NRK: variants seen among roughly 807,000 people sequenced by gnomAD.
The protein encoded by NRK is nik-related protein kinase.
NRK carries 67 observed loss-of-function variants against 125.2 expected under a neutral mutation model. The observed-to-expected ratio is 0.54, with a 90% CI of 0.44 to 0.66. The LOEUF (loss-of-function observed/expected upper bound fraction) is 0.66. NRK is among the 30% of genes least tolerant of loss of function. NRK has a pLI of 0.00. For synonymous variants in NRK, 458 were observed against 429.0 expected (o/e 1.07, Z -0.84); for missense variants, 1,224 against 1,192.9 (o/e 1.03, Z -0.38).
chrX:105,871,618 C>A (rs2039748916), intron 2 of NRK, among the ~76,000 whole-genome samples: 1 of 111,009 alleles, frequency 9.0e-6, no homozygotes, highest in Non-Finnish European at 1.9e-5. Context: ...CTGTGCTAGA[C>A]CCTAAATTTA....
intron 2 of NRK, among the ~76,000 whole-genome samples, chrX:105,853,046 T>C (rs1315617254): frequency 8.9e-6 from 1 of 112,224 alleles, no homozygotes; most frequent in African/African-American, 3.2e-5. Flanking sequence ...TTCAGTGCCA[T>C]GTCCCTGTCG....
At chrX:105,831,764 A>T (rs773054925) in intron 2 of NRK, among the ~76,000 whole-genome samples, 2 of 111,541 alleles carry the variant, frequency 1.8e-5, no homozygotes, top group African/African-American at 3.3e-5. Flanking sequence ...CATACATTAC[A>T]TAAGTAAGCA....
chrX:105,935,469 G>T, intron 21 of NRK, 144 bp downstream of exon 21: 1 of 434,634 alleles, frequency 2.3e-6, no homozygotes, highest in Non-Finnish European at 3.7e-6. Flanking sequence ...AATTGGTTTT[G>T]CTGATTTTTT....
In NRK at chrX:105,953,085, T is replaced by C. The variant is rs1230054332; in HGVS notation, c.4565T>C (p.Val1522Ala). ...GGATGGGGCCAAAAGGCCATTGAAG[T>C]GCGCTCTTTGCAATCCAGGGTTCTG... ...TTGWGQKAIE[V>A]RSLQSRVLES... The change falls in exon 28 of 29, where the codon GTG (valine) becomes GCG (alanine). Residue 1522 changes from valine (V) to alanine (A), a missense_variant. Physicochemically the swap from Val to Ala is moderately conservative, Grantham distance 64. Transcript: ENST00000243300. The C allele has an allele frequency of 3.3e-6, 4 of 1,194,994 alleles. No homozygotes were observed. In the East Asian group the frequency reaches 1.2e-4, roughly 36 times the overall value.
At chrX:105,900,748 G>A (rs1284305603) in intron 9 of NRK, 76 bp downstream of exon 9, 4 of 649,263 alleles carry the variant, frequency 6.2e-6, no homozygotes, top group Non-Finnish European at 9.7e-6. Flanking sequence ...TCTCTCTGTC[G>A]AAGAAGATGA....
chrX:105,937,527 A>C lies in NRK; in HGVS notation c.3744A>C (p.Arg1248Ser). 8.3e-7 allele frequency: 1 copy of C among 1,202,021 alleles called. No individual in the cohort carries two copies. The highest frequency in any genetic ancestry group is 1.1e-6 in the Non-Finnish European group (1 of 888,386). Reference sequence around the variant, plus strand: ...ACATTACTAAACTTATAAGGCGAAGACCATTCCGCCAGATTCAAGTCTTAG... The same window carrying C: ...ACATTACTAAACTTATAAGGCGAAGCCCATTCCGCCAGATTCAAGTCTTAG... Reference protein sequence around the residue: ...KADITKLIRRRPFRQIQVLEP... With the variant: ...KADITKLIRRSPFRQIQVLEP... Residue 1248 changes from arginine (R) to serine (S), a missense_variant, in exon 22 of 29, where the codon AGA becomes AGC. Coordinates refer to ENST00000243300, the MANE Select transcript of NRK (RefSeq NM_198465.4).
intron 26 of NRK, among the ~76,000 whole-genome samples, 173 bp downstream of exon 26, chrX:105,946,637 CT>C (rs1488628028): frequency 8.9e-6 from 1 of 112,048 alleles, no homozygotes; most frequent in Non-Finnish European, 1.9e-5. Flanking sequence ...ACAAAAAACA[CT>C]GATGATTCCT....
At chrX:105,837,369 T>C (rs1356436784) in intron 2 of NRK, among the ~76,000 whole-genome samples, 2 of 111,557 alleles carry the variant, frequency 1.8e-5, no homozygotes, top group Non-Finnish European at 3.8e-5. Context: ...GAGTGACTCA[T>C]AGAGTCCTTT....
At position 105,909,055 on chromosome X, in the gene NRK, C is replaced by T. The variant is rs1602661750; in HGVS notation, c.1414C>T (p.Arg472Trp). ...GCAGATTAAGGCACCTCCACGACTA[C>T]GGAGGGCAGCCAGGGTGCTCATGCC... ...QMQIKAPPRL[R>W]RAARVLMPLQ... Residue 472 changes from arginine (R) to tryptophan (W), a missense_variant, in exon 13 of 29, where the codon CGG (arginine) becomes TGG (tryptophan). Physicochemically the swap from Arg to Trp is moderately radical, Grantham distance 101. Coordinates refer to ENST00000243300, the MANE Select transcript of NRK (RefSeq NM_198465.4). The T allele has an allele frequency of 5.0e-6, 6 of 1,210,666 alleles. No homozygotes were observed. The highest frequency in any genetic ancestry group is 4.5e-6 in the Non-Finnish European group (4 of 894,661).
At chrX:105,919,880 A>G (rs2040415846) in intron 16 of NRK, among the ~76,000 whole-genome samples, 1 of 109,902 alleles carries the variant, frequency 9.1e-6, no homozygotes, top group Admixed American at 9.8e-5. Flanking sequence ...TTTGCTGTGC[A>G]GAAGCTCTTT....
At chrX:105,879,781 A>T (rs2039862496) in intron 2 of NRK, among the ~76,000 whole-genome samples, 1 of 111,170 alleles carries the variant, frequency 9.0e-6, no homozygotes, top group African/African-American at 3.3e-5. Flanking sequence ...TCAATTGAAA[A>T]AATGTTTAGT....
At chrX:105,886,987 A>G (rs941282943) in intron 4 of NRK, among the ~76,000 whole-genome samples, 1 of 111,450 alleles carries the variant, frequency 9.0e-6, no homozygotes, top group South Asian at 3.7e-4. Flanking sequence ...TAAAATGCTT[A>G]GAAGAAAACA....
At position 105,957,485 on chromosome X, in the gene NRK, C is replaced by A. The variant is rs1246104680; in HGVS notation, c.*1885C>A. On this transcript the variant is annotated 3_prime_UTR_variant, in exon 29 of 29. Coordinates refer to ENST00000243300, the MANE Select transcript of NRK (RefSeq NM_198465.4). Reference sequence around the variant, plus strand: ...GTCTTTTAATAATTCATTTTTTCTTCATAATATTTACTCAAAGTTAAGCTT... The same window carrying A: ...GTCTTTTAATAATTCATTTTTTCTTAATAATATTTACTCAAAGTTAAGCTT... 9.0e-6 allele frequency: 1 copy of A among 111,544 alleles called. No homozygotes were observed. The highest frequency in any genetic ancestry group is 3.3e-5 in the African/African-American group (1 of 30,653). 9.2% of individuals were successfully genotyped at this position (111,544 alleles called of 1,213,427 possible). A position where few individuals can be genotyped will look rare whatever the true frequency, so the allele number is the denominator to read the frequency against.
Position 105,888,361 on chromosome X carries a change from T to C in NRK, c.320T>C (p.Val107Ala). 8.3e-7 allele frequency: 1 copy of C among 1,199,259 alleles called. No individual in the cohort carries two copies. Among genetic ancestry groups the C allele is most frequent in the Non-Finnish European group, 1.1e-6 (1 of 886,976 alleles). ...AAGTACTCTTTCCACAAAAACATTG[T>C]GTCCTTCTATGGAGCATTTTTCAAG... ...LRKYSFHKNIVSFYGAFFKLS... is the reference protein window; with the variant it reads ...LRKYSFHKNIASFYGAFFKLS... The change falls in exon 5 of 29, where the codon GTG becomes GCG. Residue 107 changes from valine to alanine, a missense_variant. Coordinates refer to ENST00000243300, the MANE Select transcript of NRK (RefSeq NM_198465.4).
chrX:105,924,114 A>T (rs2040491675), intron 18 of NRK, among the ~76,000 whole-genome samples: 1 of 109,148 alleles, frequency 9.2e-6, no homozygotes, highest in Non-Finnish European at 1.9e-5. Context: ...ACATTTTGTT[A>T]AGCTTAGTAT....
intron 2 of NRK, among the ~76,000 whole-genome samples, chrX:105,864,625 C>T (rs2039647374): frequency 9.0e-6 from 1 of 111,163 alleles, no homozygotes; most frequent in African/African-American, 3.3e-5. Flanking sequence ...GTTCTCAATA[C>T]TTGAATAATT....
chrX:105,836,606 C>T (rs2039269483), intron 2 of NRK, among the ~76,000 whole-genome samples: 1 of 111,891 alleles, frequency 8.9e-6, no homozygotes, highest in African/African-American at 3.2e-5. Flanking sequence ...AATGTTTATC[C>T]TCTTTACACC....
intron 2 of NRK, among the ~76,000 whole-genome samples, chrX:105,851,387 G>A (rs747059797): frequency 8.9e-6 from 1 of 111,943 alleles, no homozygotes; most frequent in East Asian, 2.8e-4. Flanking sequence ...GAAGAGATTG[G>A]ACTTAATGTG....
chrX:105,909,826 C>T lies in NRK; in HGVS notation c.2185C>T (p.Arg729Cys), dbSNP rs779676790. The change falls in exon 13 of 29, where the codon CGC (arginine) becomes TGC (cysteine). Residue 729 changes from arginine (R) to cysteine (C), a missense_variant. By Grantham distance (180) the Arg-to-Cys change is radical. Coordinates refer to ENST00000243300, the MANE Select transcript of NRK (RefSeq NM_198465.4). Reference protein sequence around the residue: ...DLEARRQRRQRRWEDIFNQHE... With the variant: ...DLEARRQRRQCRWEDIFNQHE... ...AGAAGCCCGCAGGCAAAGGCGCCAA[C>T]GCAGATGGGAAGATATCTTTAATCA... is the stretch of plus-strand genomic sequence containing the variant. 1.2e-5 allele frequency: 14 copies of T among 1,169,367 alleles called. No individual in the cohort carries two copies. Among genetic ancestry groups the T allele is most frequent in the Admixed American group, 2.4e-5 (1 of 41,077 alleles).
Sources: allele counts gnomAD v4.1 joint callset (sites outside exome capture counted in the v4.1 genomes callset), GRCh38; gene constraint gnomAD v4.1.1; transcripts MANE v1.5; gene names NCBI Gene and HGNC (gene_info 2026-07-23, HGNC 2026-07-21).